CAST: variants seen among roughly 807,000 people sequenced by gnomAD.
CAST encodes calpastatin.
A neutral mutation model predicts 119.6 loss-of-function variants in CAST; 76 were observed. The ratio of observed to expected loss-of-function variants is 0.64; its 90% CI spans 0.53 to 0.77. The LOEUF (loss-of-function observed/expected upper bound fraction) is 0.77, where lower values mean the gene tolerates loss of function less well. Ranked by LOEUF, CAST falls within the 30% of genes least tolerant of loss-of-function variation. The probability of loss-of-function intolerance (pLI) is 0.00; values close to 1 mark genes in which losing one functional copy is unlikely to be tolerated. For missense variants in CAST, 953 were observed against 946.5 expected (o/e 1.01, Z -0.09); for synonymous variants, 319 against 331.6 (o/e 0.96, Z 0.41).
At chr5:96,660,672 AG>A (rs990943868), upstream of CAST, among the ~76,000 whole-genome samples, 11 of 152,200 alleles carry the variant, frequency 7.2e-5, no homozygotes, top group African/African-American at 2.6e-4. Context: ...CCTGGGGTGG[AG>A]GCCAGGAAGG....
intron 3 of CAST, among the ~76,000 whole-genome samples, chr5:96,705,732 A>T (rs1754829392): frequency 6.6e-6 from 1 of 152,180 alleles, no homozygotes; most frequent in Non-Finnish European, 1.5e-5. Flanking sequence ...CATTAATAGT[A>T]ACAGCTACAT....
At chr5:96,100,467 A>G in the CAST span, among the ~76,000 whole-genome samples, 1 of 152,172 alleles carries the variant, frequency 6.6e-6, no homozygotes, top group Non-Finnish European at 1.5e-5. Context: ...CTTCTTGCCT[A>G]TGGCCTGCTC....
the CAST span, among the ~76,000 whole-genome samples, chr5:96,364,306 G>C: frequency 6.6e-6 from 1 of 152,090 alleles, no homozygotes; most frequent in African/African-American, 2.4e-5. Context: ...TTTTTGTTGT[G>C]TCTCTGCCAG....
At chr5:96,619,170 A>AT (rs1016922911) in intron 1 of CAST, among the ~76,000 whole-genome samples, 1 of 152,008 alleles carries the variant, frequency 6.6e-6, no homozygotes, top group East Asian at 1.9e-4. Flanking sequence ...TAGCTCAGGG[A>AT]TTGTAAATGC....
chr5:96,698,941 A>G (rs1034809343), intron 3 of CAST, among the ~76,000 whole-genome samples: 2 of 152,248 alleles, frequency 1.3e-5, no homozygotes, highest in Non-Finnish European at 2.9e-5. Flanking sequence ...TGGTTTCTAT[A>G]TATTGTAGAA....
intron 1 of CAST, among the ~76,000 whole-genome samples, chr5:96,591,090 C>T (rs1191863576): frequency 6.6e-6 from 1 of 152,192 alleles, no homozygotes; most frequent in Admixed American, 6.5e-5. Flanking sequence ...CTCCTCTCTT[C>T]CCTTACTAAA....
intron 1 of CAST, among the ~76,000 whole-genome samples, chr5:96,626,068 A>G (rs261237): frequency 0.13 from 19,393 of 151,652 alleles, 1,320 homozygotes; most frequent in Middle Eastern, 0.17. Context: ...TCCTCCACGG[A>G]CACTTTCCCC....
intron 1 of CAST, among the ~76,000 whole-genome samples, chr5:96,651,759 T>C (rs186314070): frequency 1.3e-5 from 2 of 152,308 alleles, no homozygotes; most frequent in East Asian, 3.9e-4. Flanking sequence ...CTGTAAAATT[T>C]GGTTTCTATT....
the CAST span, chr5:96,423,526 G>T: frequency 2.1e-6 from 3 of 1,413,832 alleles, no homozygotes; most frequent in Non-Finnish European, 3.0e-6. Context: ...GGGCACTTCA[G>T]TTCCAACCTG....
At chr5:96,015,062 G>A in the CAST span, among the ~76,000 whole-genome samples, 1 of 152,090 alleles carries the variant, frequency 6.6e-6, no homozygotes. Context: ...AGATTTATTA[G>A]GTGAGAAGCT....
intron 28 of CAST, 141 bp downstream of exon 28, chr5:96,767,623 G>A (rs1770466295): frequency 1.5e-6 from 1 of 678,310 alleles, no homozygotes; most frequent in East Asian, 2.7e-5. Context: ...AAATGTGTGT[G>A]ACTATTGTTT....
At chr5:96,383,980 C>T in the CAST span, among the ~76,000 whole-genome samples, 1 of 151,994 alleles carries the variant, frequency 6.6e-6, no homozygotes, top group African/African-American at 2.4e-5. Flanking sequence ...AGTAGGAGGC[C>T]GACCTGAGTT....
At chr5:96,612,785 G>A (rs1308666614) in intron 1 of CAST, among the ~76,000 whole-genome samples, 2 of 152,118 alleles carry the variant, frequency 1.3e-5, no homozygotes, top group Non-Finnish European at 1.5e-5. Context: ...TGCTTTAGAT[G>A]TTTAGATCTC....
chr5:96,520,957 T>C (rs1455423686), upstream of CAST, among the ~76,000 whole-genome samples: 3 of 152,180 alleles, frequency 2.0e-5, no homozygotes, highest in Admixed American at 2.0e-4. Context: ...TGAAATCCCA[T>C]TGTAGTAGAA....
At chr5:96,303,667 TTCAACTCCCATTTA>T in the CAST span, among the ~76,000 whole-genome samples, 1 of 151,900 alleles carries the variant, frequency 6.6e-6, no homozygotes, top group Non-Finnish European at 1.5e-5. Flanking sequence ...GTTCTCATTA[TTCAACTCCCATTTA>T]TGAGTGAGAA....
the CAST span, among the ~76,000 whole-genome samples, chr5:96,471,287 A>C: frequency 2.0e-5 from 3 of 152,110 alleles, no homozygotes; most frequent in Non-Finnish European, 2.9e-5. Flanking sequence ...CCATAAACCT[A>C]AGTGGCCCCA....
At chr5:96,765,667 C>T (rs970338170) in intron 26 of CAST, among the ~76,000 whole-genome samples, 6 of 152,096 alleles carry the variant, frequency 3.9e-5, no homozygotes, top group African/African-American at 1.4e-4. Context: ...AATGTGACCT[C>T]TCTAAATGGC....
At chr5:96,482,369 G>C in the CAST span, among the ~76,000 whole-genome samples, 4 of 151,336 alleles carry the variant, frequency 2.6e-5, no homozygotes, top group Middle Eastern at 3.4e-3. Context: ...ACCTAATTAT[G>C]TGAAGCAATG....
chr5:95,991,666 C>T, the CAST span, among the ~76,000 whole-genome samples: 2 of 151,586 alleles, frequency 1.3e-5, no homozygotes, highest in South Asian at 2.1e-4. Context: ...CCACTGCTCC[C>T]GGTTAATTTT....
Sources: allele counts gnomAD v4.1 joint callset (sites outside exome capture counted in the v4.1 genomes callset), GRCh38; gene constraint gnomAD v4.1.1; transcripts MANE v1.5; gene names NCBI Gene and HGNC (gene_info 2026-07-23, HGNC 2026-07-21).